CDK17: variants seen among roughly 807,000 people sequenced by gnomAD.
CDK17 encodes the protein cyclin dependent kinase 17, also known as cyclin-dependent kinase 17.
In CDK17, 24 loss-of-function variants were observed where a neutral mutation model predicts 77.6. The observed-to-expected ratio is 0.31, with a 90% CI of 0.22 to 0.44. CDK17 has a LOEUF of 0.44. Among genes scored for constraint, CDK17 ranks in the 20% least tolerant of loss-of-function variants. CDK17 has a pLI of 1.00. For synonymous variants in CDK17, 203 were observed against 210.4 expected (o/e 0.96, Z 0.30); for missense variants, 429 against 622.5 (o/e 0.69, Z 3.31).
intron 1 of CDK17, among the ~76,000 whole-genome samples, chr12:96,381,767 T>G (rs1267919398): frequency 6.6e-6 from 1 of 151,728 alleles, no homozygotes; most frequent in Non-Finnish European, 1.5e-5. Context: ...ACAACTTATC[T>G]AGTTTTTTTT....
chr12:96,321,993 G>A (rs972276209), intron 3 of CDK17, among the ~76,000 whole-genome samples: 1 of 152,024 alleles, frequency 6.6e-6, no homozygotes, highest in Non-Finnish European at 1.5e-5. Context: ...AAAAAAATCT[G>A]TCCTGTTGCA....
At chr12:96,301,353 G>A (rs1356088279) in intron 5 of CDK17, among the ~76,000 whole-genome samples, 4 of 151,672 alleles carry the variant, frequency 2.6e-5, no homozygotes, top group Admixed American at 2.0e-4. Context: ...TATTGTGTAT[G>A]GAGATGATAA....
At chr12:96,295,935 C>T (rs567895916) in intron 9 of CDK17, among the ~76,000 whole-genome samples, 2 of 152,282 alleles carry the variant, frequency 1.3e-5, no homozygotes, top group South Asian at 4.1e-4. Context: ...TCAAGAGTTT[C>T]CCCTCAGTTC....
In CDK17 at chr12:96,280,180, A is replaced by G; in HGVS notation, c.*62T>C. 1 of 1,499,908 alleles carries G rather than the reference A, an allele frequency of 6.7e-7. No homozygotes were observed. The highest frequency in any genetic ancestry group is 9.0e-7 in the Non-Finnish European group (1 of 1,111,318). 92.9% of individuals were successfully genotyped at this position (1,499,908 alleles called of 1,614,324 possible). On this transcript the variant is annotated 3_prime_UTR_variant, in exon 17 of 17. Coordinates refer to ENST00000261211, the MANE Select transcript of CDK17 (RefSeq NM_002595.5). ...TCCACCAAAAGAAATAATTGCCTTC[A>G]GTTCTGAGTCCTTGATTGGTAAGAA...
At chr12:96,349,535 CAAA>C (rs34417608) in intron 1 of CDK17, among the ~76,000 whole-genome samples, 26 of 106,064 alleles carry the variant, frequency 2.5e-4, no homozygotes, top group African/African-American at 3.4e-4. Context: ...ATTGATTTAG[CAAA>C]AAAAAAAAAA....
chr12:96,391,940 A>G (rs937280069), intron 1 of CDK17, among the ~76,000 whole-genome samples: 1 of 152,130 alleles, frequency 6.6e-6, no homozygotes, highest in African/African-American at 2.4e-5. Context: ...TGTATTCTTG[A>G]TTGCTTCTAA....
At position 96,311,096 on chromosome 12, in the gene CDK17, G is replaced by A. The variant is rs986037435; in HGVS notation, c.499C>T (p.Pro167Ser). 4 of 1,601,876 alleles carry A rather than the reference G, an allele frequency of 2.5e-6. No homozygotes were observed. Among genetic ancestry groups the A allele is most frequent in the Admixed American group, 1.8e-5 (1 of 56,830 alleles). The change falls in exon 5 of 17, where the codon CCA becomes TCA. Residue 167 changes from proline (P) to serine (S), a missense_variant. Around this residue, in one of 4 missense-constraint regions of CDK17, gnomAD observed 262 missense variants for 385.4 expected, o/e 0.68. Coordinates refer to ENST00000261211, the MANE Select transcript of CDK17 (RefSeq NM_002595.5). Reference protein sequence around the residue: ...YLEKLQINSPPFDQPMSRRSR... With the variant: ...YLEKLQINSPSFDQPMSRRSR... ...CTTCGACTCATTGGTTGGTCAAATG[G>A]TGGACTGTTTATCTGCAACTTTTCA... is the stretch of plus-strand genomic sequence containing the variant.
intron 10 of CDK17, among the ~76,000 whole-genome samples, chr12:96,294,438 C>T (rs1367600878): frequency 6.6e-6 from 1 of 151,634 alleles, no homozygotes; most frequent in Non-Finnish European, 1.5e-5. Context: ...ACAAAATTAG[C>T]CAGGCATGGT....
At chr12:96,358,370 T>TAA (rs35899533) in intron 1 of CDK17, among the ~76,000 whole-genome samples, 1,077 of 35,152 alleles carry the variant, frequency 0.031, 68 homozygotes, top group African/African-American at 0.079. Flanking sequence ...TGCAAACTTG[T>TAA]AAAAAAAAAA....
At chr12:96,312,960 T>C (rs553808574) in intron 4 of CDK17, among the ~76,000 whole-genome samples, 6 of 152,196 alleles carry the variant, frequency 3.9e-5, no homozygotes, top group African/African-American at 1.4e-4. Flanking sequence ...CTCAAAAATA[T>C]CATTAAAATC....
At chr12:96,379,054 A>G (rs1953833537) in intron 1 of CDK17, among the ~76,000 whole-genome samples, 1 of 152,224 alleles carries the variant, frequency 6.6e-6, no homozygotes, top group Non-Finnish European at 1.5e-5. Context: ...AAATACTAAG[A>G]AAGAAAAAGA....
chr12:96,367,684 C>A (rs1953610238), intron 1 of CDK17, among the ~76,000 whole-genome samples: 1 of 151,912 alleles, frequency 6.6e-6, no homozygotes, highest in African/African-American at 2.4e-5. Flanking sequence ...ACAGCAGAAG[C>A]AAAGTTGAAA....
At chr12:96,312,876 GA>G (rs141244890) in intron 4 of CDK17, among the ~76,000 whole-genome samples, 15 of 151,296 alleles carry the variant, frequency 9.9e-5, no homozygotes, top group East Asian at 1.9e-4. Context: ...TATAATGCAA[GA>G]AAAAAAAGCT....
chr12:96,357,541 G>T (rs1438327974), intron 1 of CDK17, among the ~76,000 whole-genome samples: 1 of 152,136 alleles, frequency 6.6e-6, no homozygotes, highest in Admixed American at 6.5e-5. Context: ...TCGTGAGTGT[G>T]CATATAAGTA....
chr12:96,328,253 T>C (rs1186227917), intron 2 of CDK17, among the ~76,000 whole-genome samples: 2 of 152,150 alleles, frequency 1.3e-5, no homozygotes, highest in African/African-American at 4.8e-5. Flanking sequence ...CATCTAGTTG[T>C]AGGAAGACAA....
intron 1 of CDK17, among the ~76,000 whole-genome samples, chr12:96,355,494 T>TC (rs1953380630): frequency 7.3e-6 from 1 of 136,450 alleles, no homozygotes; most frequent in Non-Finnish European, 1.5e-5. Context: ...AGCCCCTGCC[T>TC]CCCGGGTTCA....
At chr12:96,296,459 C>T (rs1952407394) in intron 9 of CDK17, among the ~76,000 whole-genome samples, 1 of 152,182 alleles carries the variant, frequency 6.6e-6, no homozygotes, top group Non-Finnish European at 1.5e-5. Flanking sequence ...CAGAAACTGG[C>T]TCTCCTTTAT....
At chr12:96,386,307 A>G (rs757748424) in intron 1 of CDK17, among the ~76,000 whole-genome samples, 1 of 152,220 alleles carries the variant, frequency 6.6e-6, no homozygotes, top group Non-Finnish European at 1.5e-5. Context: ...GAAAGTTTTA[A>G]TCACTTTGCC....
intron 1 of CDK17, among the ~76,000 whole-genome samples, chr12:96,367,428 T>C (rs1403872174): frequency 1.3e-5 from 2 of 151,726 alleles, no homozygotes; most frequent in African/African-American, 4.8e-5. Flanking sequence ...TCAATTACTA[T>C]TTAGTGCTCA....
Sources: gnomAD v4.1 joint callset for allele counts (sites outside exome capture counted in the v4.1 genomes callset) on GRCh38, gnomAD v4.1.1 for gene constraint, gnomAD v4.1.1 regional missense constraint, MANE v1.5 for transcripts, NCBI Gene and HGNC (gene_info 2026-07-23, HGNC 2026-07-21) for gene names.